The following SCGN variants were observed in gnomAD, a reference collection of about 807,000 sequenced individuals.
SCGN encodes the protein secretagogin.
SCGN carries 30 observed loss-of-function variants against 39.7 expected under a neutral mutation model. The observed-to-expected ratio is 0.76, with a 90% confidence interval of 0.57 to 1.03. The LOEUF is 1.03. Among genes scored for constraint, SCGN ranks in the 50% least tolerant of loss-of-function variants. The probability of loss-of-function intolerance (pLI) is 0.00; values close to 1 mark genes in which losing one functional copy is unlikely to be tolerated. For missense variants in SCGN, 353 were observed against 349.4 expected, an observed-to-expected ratio of 1.01 and a Z score of -0.08; for synonymous variants, 106 against 114.1, an observed-to-expected ratio of 0.93 and a Z score of 0.45.
intron 10 of SCGN, among the ~76,000 whole-genome samples, chr6:25,697,840 T>C (rs940849631): frequency 2.0e-5 from 3 of 152,210 alleles, no homozygotes; most frequent in Non-Finnish European, 4.4e-5. Context: ...TACAGTGTAG[T>C]GATAAAAAAT....
chr6:25,654,942 C>T (rs900367864), intron 2 of SCGN, among the ~76,000 whole-genome samples: 1 of 152,204 alleles, frequency 6.6e-6, no homozygotes, highest in African/African-American at 2.4e-5. Context: ...TGTACCTACA[C>T]AAGCTACAGG....
At chr6:25,654,585 C>G (rs1370381541) in intron 2 of SCGN, among the ~76,000 whole-genome samples, 1 of 152,112 alleles carries the variant, frequency 6.6e-6, no homozygotes, top group Admixed American at 6.5e-5. Flanking sequence ...ATTTGTTTCT[C>G]CATCTCTCTG....
intron 10 of SCGN, among the ~76,000 whole-genome samples, chr6:25,693,316 G>A (rs1759796606): frequency 6.6e-6 from 1 of 151,784 alleles, no homozygotes; most frequent in Non-Finnish European, 1.5e-5. Flanking sequence ...GCTGGGCGTG[G>A]TGGTGGGCGC....
At chr6:25,658,319 A>G (rs923236153) in intron 2 of SCGN, among the ~76,000 whole-genome samples, 3 of 151,746 alleles carry the variant, frequency 2.0e-5, no homozygotes, top group Non-Finnish European at 2.9e-5. Context: ...GATTACAGGC[A>G]TGAGACACCA....
intron 6 of SCGN, among the ~76,000 whole-genome samples, chr6:25,671,896 T>A (rs1426519895): frequency 6.6e-6 from 1 of 152,266 alleles, no homozygotes; most frequent in Non-Finnish European, 1.5e-5. Context: ...TTATAAAACA[T>A]GACCTACTTA....
At position 25,656,650 on chromosome 6, in the gene SCGN, T is replaced by C. The variant is rs114712631; in HGVS notation, c.153+3198T>C. 9.0e-3 allele frequency among the ~76,000 whole-genome samples: 1,367 copies of C among 152,302 alleles called. 17 individuals are homozygous for C. Among genetic ancestry groups the C allele is most frequent in the African/African-American group, 0.03 (1,234 of 41,558 alleles). ...CTTCAGGGATTATAGTACCCTGCTG[T>C]AGCCTAGCGTCTCAGATAAGGACTG... is the stretch of plus-strand genomic sequence containing the variant. On this transcript the variant is annotated intron_variant, in intron 2 of 10. Coordinates refer to ENST00000377961, the MANE Select transcript of SCGN (RefSeq NM_006998.4).
chr6:25,696,713 C>T (rs1374109895), intron 10 of SCGN, among the ~76,000 whole-genome samples: 4 of 152,274 alleles, frequency 2.6e-5, no homozygotes, highest in South Asian at 2.1e-4. Flanking sequence ...CCTTCTTCAA[C>T]GTCCTTTCCT....
intron 6 of SCGN, 122 bp downstream of exon 6, chr6:25,670,198 G>A (rs1759477094): frequency 2.7e-6 from 2 of 743,168 alleles, no homozygotes; most frequent in Admixed American, 4.2e-5. Flanking sequence ...AATGCAAGAG[G>A]AAACCTCAAC....
At chr6:25,659,894 C>T (rs1760306576) in intron 2 of SCGN, among the ~76,000 whole-genome samples, 1 of 152,064 alleles carries the variant, frequency 6.6e-6, no homozygotes, top group South Asian at 2.1e-4. Context: ...GAAAAGATGA[C>T]AGCCTGATGG....
intron 10 of SCGN, among the ~76,000 whole-genome samples, chr6:25,693,248 G>A (rs963318530): frequency 2.6e-5 from 4 of 151,930 alleles, no homozygotes; most frequent in South Asian, 2.1e-4. Context: ...TCAGGAGATC[G>A]AGACCATCCT....
At chr6:25,698,956 A>T (rs1028929010) in intron 10 of SCGN, among the ~76,000 whole-genome samples, 4 of 152,176 alleles carry the variant, frequency 2.6e-5, no homozygotes, top group Admixed American at 1.3e-4. Flanking sequence ...CCCATTGGAC[A>T]GTGCAAATTA....
At chr6:25,657,616 A>C (rs1760249796) in intron 2 of SCGN, among the ~76,000 whole-genome samples, 1 of 151,484 alleles carries the variant, frequency 6.6e-6, no homozygotes, top group East Asian at 1.9e-4. Context: ...GGATCATTGA[A>C]GCTTACTCTC....
rs1305725560 is a variant in SCGN at position 25,652,327 on chromosome 6, A to C, written c.-77A>C. On this transcript the variant is annotated 5_prime_UTR_variant, in exon 1 of 11. Coordinates refer to ENST00000377961, the MANE Select transcript of SCGN (RefSeq NM_006998.4). ...GCGAAAGAAGCAGGAGAGCAAGTCA[A>C]GAAATACGGTGAAGGAGTCCTTCCC... The C allele has an allele frequency of 3.1e-5, 35 of 1,118,678 alleles. No homozygotes were observed. In the South Asian group the frequency reaches 4.2e-4, roughly 13 times the overall value. 69.3% of individuals were successfully genotyped at this position (1,118,678 alleles called of 1,614,324 possible). A position where few individuals can be genotyped will look rare whatever the true frequency, so the allele number is the denominator to read the frequency against.
chr6:25,691,164 T>A, intron 10 of SCGN, 40 bp downstream of exon 10: 1 of 1,416,570 alleles, frequency 7.1e-7, no homozygotes, highest in South Asian at 1.2e-5. Flanking sequence ...GGGGTTGTTG[T>A]TTTGATTTAT....
At chr6:25,677,457 G>C (rs977558348) in intron 6 of SCGN, among the ~76,000 whole-genome samples, 1 of 152,020 alleles carries the variant, frequency 6.6e-6, no homozygotes, top group Non-Finnish European at 1.5e-5. Flanking sequence ...AATATGGGAG[G>C]GGGGTTCTAA....
intron 10 of SCGN, among the ~76,000 whole-genome samples, chr6:25,699,598 A>G (rs1224934726): frequency 1.3e-5 from 2 of 151,634 alleles, no homozygotes; most frequent in African/African-American, 2.4e-5. Flanking sequence ...TCAAAAAAAA[A>G]AAAAAAAAAA....
At chr6:25,674,467 A>T (rs949141552) in intron 6 of SCGN, among the ~76,000 whole-genome samples, 1 of 152,190 alleles carries the variant, frequency 6.6e-6, no homozygotes, top group African/African-American at 2.4e-5. Context: ...TTAACTTTTT[A>T]GAAAATGACT....
At chr6:25,678,868 C>A in intron 6 of SCGN, 1 of 155,170 alleles carries the variant, frequency 6.4e-6, no homozygotes, top group South Asian at 1.8e-4. Context: ...TTTGCCTTCC[C>A]CTTGTCTTCC....
chr6:25,682,095 C>T (rs1166033443), intron 7 of SCGN, 89 bp downstream of exon 7: 2 of 947,744 alleles, frequency 2.1e-6, no homozygotes, highest in Admixed American at 1.9e-5. Flanking sequence ...GACTGGAGAT[C>T]AAGCCTCACC....
Sources: gnomAD v4.1 joint callset for allele counts (sites outside exome capture counted in the v4.1 genomes callset) on GRCh38, gnomAD v4.1.1 for gene constraint, MANE v1.5 for transcripts, NCBI Gene and HGNC (gene_info 2026-07-23, HGNC 2026-07-21) for gene names.